The following WDR5 variants were observed in gnomAD, a reference collection of about 807,000 sequenced individuals.
WDR5 encodes the protein WD repeat domain 5, also known as WD repeat-containing protein 5.
For synonymous variants in WDR5, 144 were observed against 161.6 expected (o/e 0.89, Z 0.83); for missense variants, 187 against 416.9 (o/e 0.45, Z 4.80).
At chr9:134,137,704 C>T (rs979585180) in intron 1 of WDR5, among the ~76,000 whole-genome samples, 3 of 150,196 alleles carry the variant, frequency 2.0e-5, no homozygotes, top group African/African-American at 7.3e-5. Context: ...ACACGCCAAG[C>T]CTAGACCCCA....
chr9:134,140,946 G>A (rs889236272), intron 3 of WDR5, 135 bp downstream of exon 3: 14 of 796,358 alleles, frequency 1.8e-5, no homozygotes, highest in East Asian at 7.9e-5. Context: ...CGTAGCAGGC[G>A]GGTGTGTCTC....
chr9:134,157,536 C>G lies in WDR5; in HGVS notation c.905-357C>G, dbSNP rs907896430. Among the ~76,000 whole-genome samples, 3 of 152,120 alleles carry G rather than the reference C, an allele frequency of 2.0e-5. No individual in the cohort carries two copies. Among genetic ancestry groups the G allele is most frequent in the Non-Finnish European group, 4.4e-5 (3 of 68,016 alleles). ...GACTGTGAGGGGTCTGACTGCAGTC[C>G]TTGTGCGCGCCAGCCTCTGAGCCAG... On this transcript the variant is annotated intron_variant, in intron 13 of 13. Coordinates refer to ENST00000358625, the MANE Select transcript of WDR5 (RefSeq NM_017588.3). This position sits in a 1 kb window ranked among gnomAD's most constrained non-coding sequence, Gnocchi z 5.0.
intron 7 of WDR5, among the ~76,000 whole-genome samples, chr9:134,147,426 G>A (rs756493060): frequency 3.9e-5 from 6 of 152,178 alleles, no homozygotes; most frequent in Non-Finnish European, 8.8e-5. Context: ...GGGGACACAT[G>A]GCAATGTCTG....
intron 7 of WDR5, among the ~76,000 whole-genome samples, chr9:134,147,882 G>A (rs968030313): frequency 6.6e-6 from 1 of 151,970 alleles, no homozygotes; most frequent in Non-Finnish European, 1.5e-5. Context: ...AAGGGTGGGC[G>A]CGGTGCCTCA....
At chr9:134,141,325 G>A (rs769945546) in intron 3 of WDR5, among the ~76,000 whole-genome samples, 185 bp from the exon 4 acceptor site, 2 of 152,066 alleles carry the variant, frequency 1.3e-5, no homozygotes, top group Non-Finnish European at 2.9e-5. Context: ...AATTGCCCGT[G>A]GACCCTGGGA....
At chr9:134,156,446 A>G (rs1588181573) in intron 12 of WDR5, 60 bp from the exon 13 acceptor site, 2 of 1,523,898 alleles carry the variant, frequency 1.3e-6, no homozygotes, top group East Asian at 4.5e-5. Flanking sequence ...TCTCCCTTTC[A>G]CATGCATGAG....
intron 1 of WDR5, 96 bp from the exon 2 acceptor site, chr9:134,139,724 T>C: frequency 1.3e-6 from 1 of 744,240 alleles, no homozygotes; most frequent in Non-Finnish European, 2.2e-6. Context: ...CTCAATATGG[T>C]AGTCAAATGT....
chr9:134,140,726 T>C lies in WDR5; in HGVS notation c.105T>C (p.Tyr35=), dbSNP rs752758189. Residue 35 remains tyrosine (Y), a synonymous_variant, in exon 3 of 14, where the codon TAT becomes TAC. Coordinates refer to ENST00000358625, the MANE Select transcript of WDR5 (RefSeq NM_017588.3). ...QSKPTPVKPN[Y]ALKFTLAGHT... ...AGCCTACACCTGTGAAGCCAAACTA[T>C]GCTCTAAAGTTCACCCTTGCTGGCC... 1.3e-5 allele frequency: 21 copies of C among 1,614,098 alleles called. No individual in the cohort carries two copies. Among genetic ancestry groups the C allele is most frequent in the Non-Finnish European group, 1.5e-5 (18 of 1,180,030 alleles).
chr9:134,147,618 A>C (rs1474692024), intron 7 of WDR5, among the ~76,000 whole-genome samples: 1 of 152,170 alleles, frequency 6.6e-6, no homozygotes, highest in Non-Finnish European at 1.5e-5. Context: ...CCCATCCCCG[A>C]ATCATTAAAC....
intron 8 of WDR5, 74 bp downstream of exon 8, chr9:134,148,417 C>G (rs1347721900): frequency 7.5e-7 from 1 of 1,341,502 alleles, no homozygotes. Context: ...GTTCCTGCAT[C>G]TGGGGGTACA....
At chr9:134,155,291 A>T in intron 10 of WDR5, 49 bp from the exon 11 acceptor site, 1 of 1,529,830 alleles carries the variant, frequency 6.5e-7, no homozygotes, top group Non-Finnish European at 8.8e-7. Context: ...GTGTGGGGAC[A>T]GAAGGATGCC....
In WDR5 at chr9:134,158,887, G is replaced by C. The variant is rs1832871579; in HGVS notation, c.*894G>C. On this transcript the variant is annotated 3_prime_UTR_variant, in exon 14 of 14. Coordinates refer to ENST00000358625, the MANE Select transcript of WDR5 (RefSeq NM_017588.3). ...GGGAACGGGGGTGGGGAGGTTCTTA[G>C]TTGCGAAGGAGCCAAGCTCCTGATG... 1 of 152,220 alleles carries C rather than the reference G, an allele frequency of 6.6e-6. No homozygotes were observed. Among genetic ancestry groups the C allele is most frequent in the African/African-American group, 2.4e-5 (1 of 41,432 alleles). The allele number at this position is 152,220 out of a possible 1,614,324, so 9.4% of individuals were successfully genotyped here.
chr9:134,149,685 G>A (rs1832398407), intron 8 of WDR5, among the ~76,000 whole-genome samples: 1 of 152,348 alleles, frequency 6.6e-6, no homozygotes, highest in Non-Finnish European at 1.5e-5. Flanking sequence ...AATTAGGAGG[G>A]AAATGGGAAA....
chr9:134,152,120 TC>T, intron 9 of WDR5, 91 bp downstream of exon 9: 1 of 1,466,890 alleles, frequency 6.8e-7, no homozygotes, highest in African/African-American at 1.4e-5. Context: ...TCCTCCTCCC[TC>T]CTCTGCCCTG....
chr9:134,142,261 T>C, intron 5 of WDR5, 72 bp from the exon 6 acceptor site: 3 of 1,503,894 alleles, frequency 2.0e-6, no homozygotes, highest in Non-Finnish European at 2.8e-6. Context: ...TGTCAGACAT[T>C]GATGAATGTG....
chr9:134,153,210 A>G (rs1287809267), intron 9 of WDR5, among the ~76,000 whole-genome samples: 1 of 151,990 alleles, frequency 6.6e-6, no homozygotes, highest in Non-Finnish European at 1.5e-5. Flanking sequence ...CCTCACGGCC[A>G]CCTCTGAGGA....
chr9:134,138,274 G>C, intron 1 of WDR5, among the ~76,000 whole-genome samples: 1 of 152,136 alleles, frequency 6.6e-6, no homozygotes, highest in East Asian at 1.9e-4. Flanking sequence ...TGCCTATTTC[G>C]CCTTCTGTTC....
intron 3 of WDR5, 116 bp downstream of exon 3, chr9:134,140,927 T>TG (rs1831853480): frequency 2.1e-6 from 2 of 954,996 alleles, no homozygotes; most frequent in Non-Finnish European, 3.3e-6. Flanking sequence ...AGCAGGCCGC[T>TG]GGGGGGCACG....
In WDR5 at chr9:134,141,818, G is replaced by A. The variant is rs557337682; in HGVS notation, c.265-131G>A. On this transcript the variant is annotated intron_variant, in intron 4 of 13. Transcript: ENST00000358625. ...AAGCCTGCTGTTTTTCTCCTGGGCC[G>A]TGTGTCTTTTGTAAGGTTAACACTA... 1.7e-4 allele frequency: 160 copies of A among 965,778 alleles called. 1 individual carries two copies. The South Asian group carries it at 2.3e-3, about 14-fold the overall frequency. The allele number at this position is 965,778 out of a possible 1,614,324, so 59.8% of individuals were successfully genotyped here. A position where few individuals can be genotyped will look rare whatever the true frequency, so the allele number is the denominator to read the frequency against.
Sources: allele counts gnomAD v4.1 joint callset (sites outside exome capture counted in the v4.1 genomes callset), GRCh38; gene constraint gnomAD v4.1.1; non-coding constraint Gnocchi (gnomAD v3.1); transcripts MANE v1.5; gene names NCBI Gene and HGNC (gene_info 2026-07-23, HGNC 2026-07-21).